MEGF6: variants seen among roughly 807,000 people sequenced by gnomAD.
The protein encoded by MEGF6 is multiple epidermal growth factor-like domains protein 6.
In MEGF6, 184 loss-of-function variants were observed where a neutral mutation model predicts 207.1. The ratio of observed to expected loss-of-function variants is 0.89; its 90% CI spans 0.79 to 1.00. The LOEUF is 1.00. Among genes scored for constraint, MEGF6 ranks in the 50% least tolerant of loss-of-function variants. MEGF6 has a pLI of 0.00. For synonymous variants in MEGF6, 1,038 were observed against 910.0 expected (o/e 1.14, Z -2.53); for missense variants, 2,282 against 2,202.9 (o/e 1.04, Z -0.72).
intron 2 of MEGF6, among the ~76,000 whole-genome samples, chr1:3,599,852 GCC>G (rs904662987): frequency 2.6e-5 from 4 of 152,176 alleles, no homozygotes; most frequent in East Asian, 1.9e-4. Flanking sequence ...CCGTTTCTGT[GCC>G]CCGTTTCTGG....
intron 23 of MEGF6, 60 bp from the exon 24 acceptor site, chr1:3,499,326 A>AGCTCT (rs1287519564): frequency 6.5e-7 from 1 of 1,541,832 alleles, no homozygotes; most frequent in Non-Finnish European, 8.8e-7. Context: ...GGTTGGCAGC[A>AGCTCT]GATCACAGCC....
At chr1:3,500,555 TTGTGTGTGTGCACGTGTGCATATG>T in intron 21 of MEGF6, 54 bp downstream of exon 21, 1 of 1,469,918 alleles carries the variant, frequency 6.8e-7, no homozygotes, top group Non-Finnish European at 9.0e-7. Context: ...GTCAAAGGCT[TTGTGTGTGTGCACGTGTGCATATG>T]TGTGCGTGTG....
chr1:3,617,906 G>C, the MEGF6 span, among the ~76,000 whole-genome samples: 1 of 152,174 alleles, frequency 6.6e-6, no homozygotes, highest in East Asian at 1.9e-4. Context: ...AGGCTGGCCC[G>C]GTCCTCGGTC....
At chr1:3,516,106 C>T (rs958614471) in intron 5 of MEGF6, among the ~76,000 whole-genome samples, 41 of 152,250 alleles carry the variant, frequency 2.7e-4, no homozygotes, top group African/African-American at 8.7e-4. Context: ...CCACACCTCA[C>T]GCCTGTCCCC....
At chr1:3,502,113 G>GCGAGTGTGCCCCCTGTGC (rs1557724753) in intron 17 of MEGF6, among the ~76,000 whole-genome samples, 192 bp from the exon 18 acceptor site, 4 of 84,206 alleles carry the variant, frequency 4.8e-5, no homozygotes, top group African/African-American at 1.5e-4. Flanking sequence ...ATGGGCTCTG[G>GCGAGTGTGCCCCCTGTGC]CTCTAGCCCC....
chr1:3,554,674 A>C (rs1411513027), intron 4 of MEGF6, among the ~76,000 whole-genome samples: 1 of 152,154 alleles, frequency 6.6e-6, no homozygotes, highest in Non-Finnish European at 1.5e-5. Context: ...CTCTCACTCT[A>C]GCCTCTGTCT....
At chr1:3,508,789 G>A in intron 12 of MEGF6, 100 bp from the exon 13 acceptor site, 1 of 1,449,876 alleles carries the variant, frequency 6.9e-7, no homozygotes, top group Non-Finnish European at 9.4e-7. Context: ...GGGGCATAAG[G>A]GGCATCCTCG....
At chr1:3,496,544 G>A in intron 29 of MEGF6, 111 bp downstream of exon 29, 1 of 1,477,064 alleles carries the variant, frequency 6.8e-7, no homozygotes, top group South Asian at 1.2e-5. Context: ...AGCCAGAGGG[G>A]GCTGAAGGGC....
intron 7 of MEGF6, among the ~76,000 whole-genome samples, chr1:3,512,352 G>C (rs1246787926): frequency 6.6e-6 from 1 of 152,252 alleles, no homozygotes; most frequent in East Asian, 1.9e-4. Flanking sequence ...TAAGCCTGTT[G>C]CATGACCAGG....
In MEGF6 at chr1:3,523,265, G is replaced by A. The variant is rs143300620; in HGVS notation, c.604+859C>T. Among the ~76,000 whole-genome samples, 590 of 152,296 alleles carry A rather than the reference G, an allele frequency of 3.9e-3. 2 individuals are homozygous for A. The highest frequency in any genetic ancestry group is 0.014 in the African/African-American group (566 of 41,558). On this transcript the variant is annotated intron_variant, in intron 5 of 36. Transcript: ENST00000356575. ...AGAGACCAGCAAGAGGGTCAGTCCC[G>A]TCCTTGCTTGGGGCGCCTGTGCCCA...
chr1:3,539,384 G>A (rs112473240), intron 4 of MEGF6, among the ~76,000 whole-genome samples: 1,636 of 152,160 alleles, frequency 0.011, 15 homozygotes, highest in Non-Finnish European at 0.016. Flanking sequence ...GACGGGAGAG[G>A]GGGAGGCTCA....
chr1:3,491,062 C>A (rs1640337684), intron 35 of MEGF6, 103 bp from the exon 36 acceptor site: 1 of 1,050,864 alleles, frequency 9.5e-7, no homozygotes, highest in East Asian at 3.2e-5. Flanking sequence ...GGGACCTCCA[C>A]TTCCCCCGCA....
chr1:3,567,352 C>G (rs1295746329), intron 4 of MEGF6, among the ~76,000 whole-genome samples: 1 of 152,248 alleles, frequency 6.6e-6, no homozygotes, highest in Non-Finnish European at 1.5e-5. Context: ...CCTCGCCTCT[C>G]CTGGGATCCT....
intron 3 of MEGF6, among the ~76,000 whole-genome samples, chr1:3,583,903 C>T (rs967343995): frequency 3.1e-4 from 45 of 146,910 alleles, no homozygotes; most frequent in Middle Eastern, 3.6e-3. Context: ...CACCAGACAA[C>T]GCGCAGCCAC....
intron 21 of MEGF6, 104 bp downstream of exon 21, chr1:3,500,529 T>G: frequency 7.0e-7 from 1 of 1,428,948 alleles, no homozygotes; most frequent in Non-Finnish European, 9.3e-7. Flanking sequence ...TGTGTGTGCG[T>G]GCAGGAGGGA....
At chr1:3,603,491 G>C (rs1043584871) in intron 1 of MEGF6, among the ~76,000 whole-genome samples, 1 of 152,124 alleles carries the variant, frequency 6.6e-6, no homozygotes, top group Non-Finnish European at 1.5e-5. Flanking sequence ...CGTCTGGGGG[G>C]CCTCAGAGGA....
intron 4 of MEGF6, among the ~76,000 whole-genome samples, chr1:3,550,183 G>A (rs947335065): frequency 2.0e-5 from 3 of 152,170 alleles, no homozygotes; most frequent in African/African-American, 7.2e-5. Context: ...CTAAGCACCT[G>A]CCCAAGATAA....
chr1:3,515,999 G>T (rs1282161740), intron 5 of MEGF6, among the ~76,000 whole-genome samples: 1 of 152,230 alleles, frequency 6.6e-6, no homozygotes, highest in Non-Finnish European at 1.5e-5. Flanking sequence ...CCAGGGTGGG[G>T]GCAGATGTGG....
intron 2 of MEGF6, among the ~76,000 whole-genome samples, chr1:3,600,325 G>A (rs1222329937): frequency 6.6e-6 from 1 of 152,192 alleles, no homozygotes; most frequent in Non-Finnish European, 1.5e-5. Flanking sequence ...CCACCTCCAC[G>A]ATGGCACCCA....
Sources: allele counts gnomAD v4.1 joint callset (sites outside exome capture counted in the v4.1 genomes callset), GRCh38; gene constraint gnomAD v4.1.1; transcripts MANE v1.5; gene names NCBI Gene and HGNC (gene_info 2026-07-23, HGNC 2026-07-21).